The following PCDHGA1 variants were observed in gnomAD, a reference collection of about 807,000 sequenced individuals.
The protein encoded by PCDHGA1 is protocadherin gamma-A1.
In PCDHGA1, 32 loss-of-function variants were observed where a neutral mutation model predicts 58.0. That is an observed-to-expected ratio of 0.55 (90% CI 0.42 to 0.74). The LOEUF (loss-of-function observed/expected upper bound fraction) is 0.74. PCDHGA1 is among the 30% of genes least tolerant of loss of function. The pLI, the probability that PCDHGA1 is intolerant of heterozygous loss-of-function variation, is 0.00. For synonymous variants in PCDHGA1, 498 were observed against 501.1 expected (o/e 0.99, Z 0.08); for missense variants, 1,205 against 1,182.3 (o/e 1.02, Z -0.28).
At chr5:141,350,261 A>T in intron 1 of PCDHGA1, 1 of 1,510,486 alleles carries the variant, frequency 6.6e-7, no homozygotes, top group Non-Finnish European at 8.8e-7. Context: ...AGTTCCTGAA[A>T]TGCAGAGAGC....
intron 1 of PCDHGA1, chr5:141,424,773 T>C (rs1398493027): frequency 6.6e-6 from 1 of 152,206 alleles, no homozygotes; most frequent in African/African-American, 2.4e-5. Flanking sequence ...TGGCAAATAG[T>C]ACATTCAGTT....
At chr5:141,364,205 A>C (rs1250961446) in intron 1 of PCDHGA1, 2 of 1,159,214 alleles carry the variant, frequency 1.7e-6, no homozygotes, top group African/African-American at 3.1e-5. Flanking sequence ...AGACCAGACA[A>C]GCTCCTACGA....
chr5:141,477,512 A>G lies in PCDHGA1; in HGVS notation c.2422-17295A>G. 1.9e-6 allele frequency: 3 copies of G among 1,614,156 alleles called. No homozygotes were observed. Among genetic ancestry groups the G allele is most frequent in the South Asian group, 2.2e-5 (2 of 91,072 alleles). ...TTCTCAATCTTCCTACGACGTTTAC[A>G]TTGAAGAAAACAACCTCCCCGGGGC... On this transcript the variant is annotated intron_variant, in intron 1 of 3. Transcript: ENST00000517417. This position sits in a 1 kb window ranked among gnomAD's most constrained non-coding sequence, Gnocchi z 4.9.
At chr5:141,393,050 G>A (rs1270447503) in intron 1 of PCDHGA1, 2 of 1,613,668 alleles carry the variant, frequency 1.2e-6, no homozygotes, top group East Asian at 2.2e-5. Flanking sequence ...CTCTGAACCC[G>A]CGCAGCGGCA....
chr5:141,408,239 C>A, intron 1 of PCDHGA1: 2 of 1,577,720 alleles, frequency 1.3e-6, no homozygotes, highest in South Asian at 2.3e-5. Flanking sequence ...CCGGGCCGGC[C>A]CGCGGCAGGT....
At chr5:141,380,730 T>C (rs1776691792) in intron 1 of PCDHGA1, among the ~76,000 whole-genome samples, 2 of 152,250 alleles carry the variant, frequency 1.3e-5, no homozygotes, top group Non-Finnish European at 2.9e-5. Context: ...CTTATTTCCT[T>C]TTCTCCAAAG....
chr5:141,357,547 G>C, intron 1 of PCDHGA1: 1 of 1,614,214 alleles, frequency 6.2e-7, no homozygotes, highest in Non-Finnish European at 8.5e-7. Flanking sequence ...CATCAGCCGG[G>C]AGAGTTGTGA....
At chr5:141,503,005 G>A (rs915064303) in intron 2 of PCDHGA1, among the ~76,000 whole-genome samples, 16 of 145,340 alleles carry the variant, frequency 1.1e-4, no homozygotes, top group African/African-American at 2.3e-4. Flanking sequence ...CACCATGCCC[G>A]GTTAATTTTT....
Position 141,332,014 on chromosome 5 carries a change from G to C in PCDHGA1, c.1330G>C (p.Asp444His). 6.2e-7 allele frequency: 1 copy of C among 1,614,142 alleles called. No homozygotes were observed. The highest frequency in any genetic ancestry group is 8.5e-7 in the Non-Finnish European group (1 of 1,180,024). ...TETHISLLVT[D>H]INDNSPVFHQ... ...AACTCACATTTCACTACTAGTGACA[G>C]ATATCAATGACAACTCCCCAGTCTT... The change falls in exon 1 of 4, where the codon GAT (aspartate) becomes CAT (histidine). Residue 444 changes from aspartate to histidine, a missense_variant. Asp to His is a moderately conservative substitution (Grantham distance 81). Transcript: ENST00000517417. The surrounding 1 kb of genome is among the most constrained non-coding windows in gnomAD (Gnocchi z 4.6).
chr5:141,458,367 G>A (rs1297876142), intron 1 of PCDHGA1, among the ~76,000 whole-genome samples: 2 of 152,130 alleles, frequency 1.3e-5, no homozygotes, highest in African/African-American at 2.4e-5. Context: ...AGAAGGAAGG[G>A]AGAAGAGAGA....
chr5:141,330,960 G>A lies in PCDHGA1; in HGVS notation c.276G>A (p.Arg92=). The A allele has an allele frequency of 1.2e-6, 2 of 1,614,176 alleles. No individual in the cohort carries two copies. The highest frequency in any genetic ancestry group is 8.5e-7 in the Non-Finnish European group (1 of 1,180,024). ...TGATCACCGCGCGCAGGATAGACCGGGAGGAGCTCTGCGCTCAGAGCATGC... is the reference window on the plus strand; with the variant it reads ...TGATCACCGCGCGCAGGATAGACCGAGAGGAGCTCTGCGCTCAGAGCATGC... The part of the protein sequence containing the change: ...GSLITARRID[R]EELCAQSMPC... Residue 92 remains arginine, a synonymous_variant, in exon 1 of 4, where the codon CGG becomes CGA. Coordinates refer to ENST00000517417, the MANE Select transcript of PCDHGA1 (RefSeq NM_018912.3).
chr5:141,483,648 T>TTG (rs111458813), intron 1 of PCDHGA1, among the ~76,000 whole-genome samples: 1,883 of 149,700 alleles, frequency 0.013, 19 homozygotes, highest in African/African-American at 0.023. Flanking sequence ...GGGTGTGTGT[T>TTG]TGTGTGTGTG....
In PCDHGA1 at chr5:141,491,665, C is replaced by A; in HGVS notation, c.2422-3142C>A. 1 of 1,613,764 alleles carries A rather than the reference C, an allele frequency of 6.2e-7. No individual in the cohort carries two copies. Among genetic ancestry groups the A allele is most frequent in the Admixed American group, 1.7e-5 (1 of 60,034 alleles). On this transcript the variant is annotated intron_variant, in intron 1 of 3. Coordinates refer to ENST00000517417, the MANE Select transcript of PCDHGA1 (RefSeq NM_018912.3). The surrounding 1 kb of genome is among the most constrained non-coding windows in gnomAD (Gnocchi z 6.9). ...TCTGGCGCTGGAGCCTGACGCCATCCGGTCCCGCTCTAATACGCTGCGGGA... is the reference window on the plus strand; with the variant it reads ...TCTGGCGCTGGAGCCTGACGCCATCAGGTCCCGCTCTAATACGCTGCGGGA...
chr5:141,424,140 C>A, intron 1 of PCDHGA1: 1 of 356,082 alleles, frequency 2.8e-6, no homozygotes, highest in Non-Finnish European at 4.1e-6. Flanking sequence ...TAATAGCATG[C>A]TCCCTCTAGC....
chr5:141,346,830 AGG>A (rs1355207802), intron 1 of PCDHGA1, among the ~76,000 whole-genome samples: 1 of 152,214 alleles, frequency 6.6e-6, no homozygotes, highest in African/African-American at 2.4e-5. Flanking sequence ...TGTGATAAAT[AGG>A]CCTTTTTCAT....
chr5:141,356,937 C>A, intron 1 of PCDHGA1: 2 of 1,614,226 alleles, frequency 1.2e-6, no homozygotes, highest in Non-Finnish European at 1.7e-6. Flanking sequence ...AGCTGGCACC[C>A]CGCTCCGCAG....
intron 1 of PCDHGA1, chr5:141,395,099 C>T: frequency 6.2e-7 from 1 of 1,614,228 alleles, no homozygotes; most frequent in Non-Finnish European, 8.5e-7. Flanking sequence ...TCACCGCCGA[C>T]TCGCGGAAGA....
chr5:141,422,400 G>A (rs1207332302), intron 1 of PCDHGA1: 3 of 1,598,664 alleles, frequency 1.9e-6, no homozygotes, highest in South Asian at 2.3e-5. Context: ...CTAACCACCT[G>A]CCTTTTAAAT....
intron 1 of PCDHGA1, chr5:141,417,577 C>A: frequency 2.3e-6 from 1 of 439,676 alleles, no homozygotes; most frequent in Non-Finnish European, 4.0e-6. Flanking sequence ...AAGTTGCAGT[C>A]CCACACAGAG....
Sources: allele counts gnomAD v4.1 joint callset (sites outside exome capture counted in the v4.1 genomes callset), GRCh38; gene constraint gnomAD v4.1.1; non-coding constraint Gnocchi (gnomAD v3.1); transcripts MANE v1.5; gene names NCBI Gene and HGNC (gene_info 2026-07-23, HGNC 2026-07-21).